The following DOCK1 variants were observed in gnomAD, a reference collection of about 807,000 sequenced individuals.
DOCK1 encodes the protein dedicator of cytokinesis protein 1.
In DOCK1, 138 loss-of-function variants were observed where a neutral mutation model predicts 262.7. The ratio of observed to expected loss-of-function variants is 0.53; its 90% confidence interval spans 0.46 to 0.61. The LOEUF (loss-of-function observed/expected upper bound fraction) is 0.61, where lower values mean the gene tolerates loss of function less well. Ranked by LOEUF, DOCK1 falls within the 20% of genes least tolerant of loss-of-function variation. The probability of loss-of-function intolerance (pLI) is 0.00; values close to 1 mark genes in which losing one functional copy is unlikely to be tolerated. For synonymous variants in DOCK1, 866 were observed against 867.4 expected (o/e 1.00, Z 0.03); for missense variants, 1,908 against 2,370.7 (o/e 0.80, Z 4.05).
At chr10:127,362,955 GTGCATCCCCACATACA>G (rs1565027135) in intron 33 of DOCK1, among the ~76,000 whole-genome samples, 2 of 5,894 alleles carry the variant, frequency 3.4e-4, no homozygotes, top group African/African-American at 1.4e-3. Context: ...ACATACACAT[GTGCATCCCCACATACA>G]CATACACATA....
chr10:127,247,102 A>C (rs1397254538), intron 27 of DOCK1, among the ~76,000 whole-genome samples: 2 of 152,198 alleles, frequency 1.3e-5, no homozygotes, highest in African/African-American at 4.8e-5. Context: ...ACCCGCCACC[A>C]AAGCAAACAC....
chr10:127,451,610 C>A lies in DOCK1; in HGVS notation c.*183C>A. 4 of 1,408,020 alleles carry A rather than the reference C, an allele frequency of 2.8e-6. No homozygotes were observed. The highest frequency in any genetic ancestry group is 2.6e-5 in the East Asian group (1 of 38,030). The allele number at this position is 1,408,020 out of a possible 1,614,324, so 87.2% of individuals were successfully genotyped here. A position where few individuals can be genotyped will look rare whatever the true frequency, so the allele number is the denominator to read the frequency against. ...GTGAGTGGCCTTTAGCGTCATGGAGCAAGGTGGGTCTGGGAGGTAGATATG... is the reference window on the plus strand; with the variant it reads ...GTGAGTGGCCTTTAGCGTCATGGAGAAAGGTGGGTCTGGGAGGTAGATATG... On this transcript the variant is annotated 3_prime_UTR_variant, in exon 52 of 52. Coordinates refer to ENST00000623213, the MANE Select transcript of DOCK1 (RefSeq NM_001290223.2).
rs2070523863 is a variant in DOCK1 at position 127,446,048 on chromosome 10, C to CG, written c.5414-1345dup. ...GGTGGATCAGCTGAGGTCAGGAGTT[C>CG]GAGACCAGCCAGTCAACATGGTAAA... On this transcript the variant is annotated intron_variant, in intron 50 of 51. Transcript: ENST00000623213. The surrounding 1 kb of genome is among the most constrained non-coding windows in gnomAD (Gnocchi z 4.4). Among the ~76,000 whole-genome samples, 1 of 152,044 alleles carries CG rather than the reference C, an allele frequency of 6.6e-6. No individual in the cohort carries two copies. The highest frequency in any genetic ancestry group is 6.6e-5 in the Admixed American group (1 of 15,262).
intron 27 of DOCK1, among the ~76,000 whole-genome samples, chr10:127,151,295 GT>G (rs2052463071): frequency 6.6e-6 from 1 of 152,132 alleles, no homozygotes; most frequent in Non-Finnish European, 1.5e-5. Context: ...TTTCACACTA[GT>G]TTATTTCATT....
rs576009982 is a variant in DOCK1 at position 127,012,655 on chromosome 10, C to T, written c.1201+281C>T. ...AACATGCAGGCGGTAGGCGTAACTC[C>T]CTCTGCCCGTGTTGTGTGCTAATCT... is the stretch of plus-strand genomic sequence containing the variant. On this transcript the variant is annotated intron_variant, in intron 12 of 51. Coordinates refer to ENST00000623213, the MANE Select transcript of DOCK1 (RefSeq NM_001290223.2). This position sits in a 1 kb window ranked among gnomAD's most constrained non-coding sequence, Gnocchi z 4.0. 6.6e-6 allele frequency among the ~76,000 whole-genome samples: 1 copy of T among 152,276 alleles called. No homozygotes were observed. Among genetic ancestry groups the T allele is most frequent in the South Asian group, 2.1e-4 (1 of 4,822 alleles).
At chr10:127,103,336 C>G (rs1056555599) in intron 23 of DOCK1, among the ~76,000 whole-genome samples, 1 of 152,176 alleles carries the variant, frequency 6.6e-6, no homozygotes, top group Non-Finnish European at 1.5e-5. Flanking sequence ...GAGTTTTAAT[C>G]GTAGGACCGC....
intron 31 of DOCK1, among the ~76,000 whole-genome samples, chr10:127,353,040 C>T (rs1012487962): frequency 3.3e-5 from 5 of 152,070 alleles, no homozygotes; most frequent in South Asian, 2.1e-4. Flanking sequence ...GGGACATGGG[C>T]GCAGGGGGTG....
intron 26 of DOCK1, among the ~76,000 whole-genome samples, chr10:127,125,833 G>T (rs1030257908): frequency 2.0e-5 from 3 of 151,748 alleles, no homozygotes; most frequent in African/African-American, 7.3e-5. Context: ...GTGTCTTCTC[G>T]ACGAAATGTC....
intron 27 of DOCK1, among the ~76,000 whole-genome samples, chr10:127,152,418 A>G (rs2483850): frequency 0.72 from 108,675 of 151,882 alleles, 43,579 homozygotes; most frequent in South Asian, 0.89. Context: ...CTCACTGGCA[A>G]TTGCCAAGAA....
intron 27 of DOCK1, among the ~76,000 whole-genome samples, chr10:127,226,508 C>T (rs967190023): frequency 5.3e-5 from 8 of 151,996 alleles, no homozygotes; most frequent in South Asian, 2.1e-4. Flanking sequence ...CTTTGGGAGC[C>T]GAGGTGGATG....
chr10:127,252,857 T>C (rs1051757696), intron 28 of DOCK1, among the ~76,000 whole-genome samples: 4 of 152,098 alleles, frequency 2.6e-5, no homozygotes, highest in African/African-American at 9.7e-5. Context: ...TTAGGATTGA[T>C]TTGGCGATGC....
chr10:127,157,836 G>C (rs2053230472), intron 27 of DOCK1, among the ~76,000 whole-genome samples: 1 of 152,224 alleles, frequency 6.6e-6, no homozygotes, highest in African/African-American at 2.4e-5. Flanking sequence ...TGGAGTCCAT[G>C]AATGTCAGCA....
At chr10:127,363,546 T>C (rs185299297) in intron 33 of DOCK1, among the ~76,000 whole-genome samples, 343 of 152,268 alleles carry the variant, frequency 2.3e-3, no homozygotes, top group African/African-American at 7.6e-3. Context: ...TTTACATAGA[T>C]TTTAGAGGAA....
intron 8 of DOCK1, 163 bp downstream of exon 8, chr10:126,998,412 C>A: frequency 2.2e-6 from 2 of 914,954 alleles, no homozygotes; most frequent in Admixed American, 2.5e-5. Context: ...AGTGTGATGG[C>A]AGCCAGGTTG....
chr10:127,055,305 A>C (rs931056280), intron 22 of DOCK1, among the ~76,000 whole-genome samples: 7 of 152,112 alleles, frequency 4.6e-5, no homozygotes, highest in African/African-American at 1.7e-4. Flanking sequence ...TTTATCTCCT[A>C]ATCCTAAGAT....
chr10:127,374,562 G>C (rs1444167372), intron 35 of DOCK1, among the ~76,000 whole-genome samples: 1 of 152,152 alleles, frequency 6.6e-6, no homozygotes, highest in Non-Finnish European at 1.5e-5. Context: ...TAGGCTGAAT[G>C]GTGGCCTCAA....
chr10:127,262,090 A>C (rs571040874), intron 29 of DOCK1, among the ~76,000 whole-genome samples: 5,485 of 70,744 alleles, frequency 0.078, 273 homozygotes, highest in Non-Finnish European at 0.1. Context: ...GTGTGTGTGT[A>C]CCCGTGCTCC....
chr10:127,389,955 A>G (rs560302427), intron 38 of DOCK1, among the ~76,000 whole-genome samples: 2 of 151,266 alleles, frequency 1.3e-5, no homozygotes, highest in Non-Finnish European at 1.5e-5. Flanking sequence ...CGGAGATTGC[A>G]GTGAGCCGAG....
At chr10:127,047,129 G>C (rs987346551) in intron 21 of DOCK1, among the ~76,000 whole-genome samples, 2 of 152,020 alleles carry the variant, frequency 1.3e-5, no homozygotes, top group African/African-American at 4.8e-5. Context: ...AAAAATGACC[G>C]TGTGTTGTTG....
Sources: gnomAD v4.1 joint callset for allele counts (sites outside exome capture counted in the v4.1 genomes callset) on GRCh38, gnomAD v4.1.1 for gene constraint, Gnocchi (gnomAD v3.1) non-coding constraint, MANE v1.5 for transcripts, NCBI Gene and HGNC (gene_info 2026-07-23, HGNC 2026-07-21) for gene names.